The following SLC24A2 variants were observed in gnomAD, a reference collection of about 807,000 sequenced individuals.
SLC24A2 encodes solute carrier family 24 member 2.
A neutral mutation model predicts 62.0 loss-of-function variants in SLC24A2; 36 were observed. The observed-to-expected ratio is 0.58, with a 90% confidence interval of 0.44 to 0.77. The LOEUF is 0.77. SLC24A2 is among the 30% of genes least tolerant of loss of function. The pLI, the probability that SLC24A2 is intolerant of heterozygous loss-of-function variation, is 0.00. For synonymous variants in SLC24A2, 358 were observed against 294.0 expected (o/e 1.22, Z -2.23); for missense variants, 846 against 817.9 (o/e 1.03, Z -0.42).
the SLC24A2 span, among the ~76,000 whole-genome samples, chr9:20,252,935 C>G: frequency 6.6e-6 from 1 of 152,222 alleles, no homozygotes; most frequent in Non-Finnish European, 1.5e-5. Flanking sequence ...TTGCCTCAGG[C>G]TTCTCTGACC....
At chr9:20,105,367 C>T in the SLC24A2 span, among the ~76,000 whole-genome samples, 1 of 152,150 alleles carries the variant, frequency 6.6e-6, no homozygotes, top group Non-Finnish European at 1.5e-5. Flanking sequence ...ATCTACAGAA[C>T]TCTCCACCCC....
At chr9:20,299,713 G>A in the SLC24A2 span, among the ~76,000 whole-genome samples, 1 of 152,254 alleles carries the variant, frequency 6.6e-6, no homozygotes, top group Non-Finnish European at 1.5e-5. Context: ...GCCTTCCCTG[G>A]TCACCTACTA....
the SLC24A2 span, among the ~76,000 whole-genome samples, chr9:20,189,642 A>G: frequency 6.6e-6 from 1 of 152,148 alleles, no homozygotes; most frequent in Non-Finnish European, 1.5e-5. Context: ...AACAGCTTTG[A>G]ATTTCACATG....
the SLC24A2 span, among the ~76,000 whole-genome samples, chr9:20,147,010 T>G: frequency 1.3e-5 from 2 of 152,234 alleles, no homozygotes; most frequent in East Asian, 3.9e-4. Context: ...TCCTATTATT[T>G]AAAGAATAAC....
At chr9:19,516,572 T>A (rs1451138734) in intron 10 of SLC24A2, among the ~76,000 whole-genome samples, 170 bp from the exon 11 acceptor site, 1 of 152,204 alleles carries the variant, frequency 6.6e-6, no homozygotes. Context: ...GAAACCACTT[T>A]ATAAGGAAAT....
the SLC24A2 span, among the ~76,000 whole-genome samples, chr9:19,852,049 T>G: frequency 3.9e-5 from 6 of 152,212 alleles, no homozygotes; most frequent in African/African-American, 7.2e-5. Flanking sequence ...AGTATCTCAT[T>G]GTGGTTTTGA....
intron 2 of SLC24A2, among the ~76,000 whole-genome samples, chr9:19,691,869 A>T (rs1820055534): frequency 6.6e-6 from 1 of 152,090 alleles, no homozygotes; most frequent in African/African-American, 2.4e-5. Context: ...TTGTCCAGGG[A>T]TATCAGTTTC....
the SLC24A2 span, among the ~76,000 whole-genome samples, chr9:19,973,191 A>G: frequency 6.6e-6 from 1 of 152,194 alleles, no homozygotes; most frequent in Admixed American, 6.5e-5. Flanking sequence ...AACAAAAACT[A>G]AATCAAAATG....
At chr9:19,584,770 A>G (rs1482330291) in intron 5 of SLC24A2, among the ~76,000 whole-genome samples, 1 of 152,124 alleles carries the variant, frequency 6.6e-6, no homozygotes, top group Non-Finnish European at 1.5e-5. Flanking sequence ...ACCACCAAAA[A>G]CAGAATTTTA....
intron 8 of SLC24A2, among the ~76,000 whole-genome samples, chr9:19,541,439 C>T (rs576779259): frequency 5.4e-4 from 82 of 152,098 alleles, no homozygotes; most frequent in African/African-American, 1.9e-3. Context: ...GGACCGTCAG[C>T]TGCAGGTCTG....
intron 2 of SLC24A2, among the ~76,000 whole-genome samples, chr9:19,783,227 C>A (rs1257781758): frequency 6.6e-6 from 1 of 152,120 alleles, no homozygotes; most frequent in Non-Finnish European, 1.5e-5. Flanking sequence ...GACTTTTTTG[C>A]AAGAACCATT....
the SLC24A2 span, among the ~76,000 whole-genome samples, chr9:20,206,398 T>C: frequency 1.3e-5 from 2 of 152,218 alleles, no homozygotes; most frequent in Non-Finnish European, 2.9e-5. Flanking sequence ...ATGGCACTAT[T>C]CTCATGAATT....
chr9:19,563,356 T>A (rs1835497269), intron 7 of SLC24A2, among the ~76,000 whole-genome samples: 1 of 151,880 alleles, frequency 6.6e-6, no homozygotes, highest in Non-Finnish European at 1.5e-5. Context: ...TTTTAAAGTT[T>A]GAAAATGGTG....
chr9:19,754,116 C>T (rs369493777), intron 2 of SLC24A2, among the ~76,000 whole-genome samples: 3 of 152,182 alleles, frequency 2.0e-5, no homozygotes, highest in East Asian at 1.9e-4. Flanking sequence ...GCTTACTACT[C>T]AGCTTTCACC....
the SLC24A2 span, among the ~76,000 whole-genome samples, chr9:20,246,987 T>C: frequency 6.6e-6 from 1 of 152,242 alleles, no homozygotes; most frequent in Non-Finnish European, 1.5e-5. Context: ...ATGACCATTA[T>C]ACAGTGTATT....
chr9:20,217,601 C>T, the SLC24A2 span, among the ~76,000 whole-genome samples: 1 of 152,146 alleles, frequency 6.6e-6, no homozygotes, highest in African/African-American at 2.4e-5. Flanking sequence ...ATGGCACACA[C>T]AGGCCATGAT....
chr9:19,735,371 G>C (rs1189092800), intron 2 of SLC24A2, among the ~76,000 whole-genome samples: 5 of 151,942 alleles, frequency 3.3e-5, no homozygotes, highest in South Asian at 4.2e-4. Context: ...GTGCTGGAGA[G>C]GACGTGGAGA....
Position 19,622,252 on chromosome 9 carries a change from G to A in SLC24A2, c.969+9C>T, listed in dbSNP as rs376464694. On this transcript the variant is annotated intron_variant, in intron 3 of 10. Coordinates refer to ENST00000341998, the MANE Select transcript of SLC24A2 (RefSeq NM_020344.4). ...ACAAACAGGTACAGACAAAGCCACT[G>A]CTTCCTACCGGTAGAGTTGGTTCAT... 6.2e-7 allele frequency: 1 copy of A among 1,612,658 alleles called. No individual in the cohort carries two copies. Among genetic ancestry groups the A allele is most frequent in the African/African-American group, 1.3e-5 (1 of 74,876 alleles).
In SLC24A2 at chr9:19,691,492, T is replaced by C. The variant is rs139813827; in HGVS notation, c.931-69193A>G. Among the ~76,000 whole-genome samples, 31 of 152,276 alleles carry C rather than the reference T, an allele frequency of 2.0e-4. No homozygotes were observed. The East Asian group carries it at 5.6e-3, about 28-fold the overall frequency. ...GATGGTTGTGTTCATTTGCCCTCAG[T>C]CATCCATGCACTACCATCATGGTTT... On this transcript the variant is annotated intron_variant, in intron 2 of 10. Transcript: ENST00000341998.
Sources: gnomAD v4.1 joint callset for allele counts (sites outside exome capture counted in the v4.1 genomes callset) on GRCh38, gnomAD v4.1.1 for gene constraint, MANE v1.5 for transcripts, NCBI Gene and HGNC (gene_info 2026-07-23, HGNC 2026-07-21) for gene names.